The following AGBL4 variants were observed in gnomAD, a reference collection of about 807,000 sequenced individuals.
AGBL4 encodes AGBL carboxypeptidase 4, also known as cytosolic carboxypeptidase 6.
In AGBL4, 58 loss-of-function variants were observed where a neutral mutation model predicts 66.4. That is an observed-to-expected ratio of 0.87 (90% CI 0.71 to 1.09). AGBL4 has a LOEUF of 1.09. Ranked by LOEUF, AGBL4 falls within the 50% of genes least tolerant of loss-of-function variation. The pLI, the probability that AGBL4 is intolerant of heterozygous loss-of-function variation, is 0.00. For synonymous variants in AGBL4, 234 were observed against 222.9 expected, an observed-to-expected ratio of 1.05 and a Z score of -0.44; for missense variants, 579 against 631.0, an observed-to-expected ratio of 0.92 and a Z score of 0.88.
chr1:49,101,577 C>T (rs1278854459), intron 4 of AGBL4, among the ~76,000 whole-genome samples: 1 of 152,158 alleles, frequency 6.6e-6, no homozygotes, highest in Non-Finnish European at 1.5e-5. Context: ...TGACTAACAG[C>T]ATGAATTCTG....
At chr1:48,776,398 G>C (rs1023941249) in intron 6 of AGBL4, among the ~76,000 whole-genome samples, 81 of 152,344 alleles carry the variant, frequency 5.3e-4, no homozygotes, top group African/African-American at 1.9e-3. Flanking sequence ...GGGAAGCGGG[G>C]AAGACAAAGG....
chr1:49,867,903 C>T (rs1233975875), intron 1 of AGBL4, among the ~76,000 whole-genome samples: 1 of 152,048 alleles, frequency 6.6e-6, no homozygotes, highest in African/African-American at 2.4e-5. Context: ...GGGCTAAATG[C>T]CCCAATTAAA....
chr1:49,568,179 T>C (rs893008483), intron 3 of AGBL4, among the ~76,000 whole-genome samples: 26 of 151,980 alleles, frequency 1.7e-4, no homozygotes, highest in African/African-American at 6.0e-4. Context: ...GGCATCCAAA[T>C]AGAAAGAGAG....
intron 11 of AGBL4, among the ~76,000 whole-genome samples, chr1:48,552,830 T>A (rs551246896): frequency 7.9e-4 from 120 of 151,416 alleles, no homozygotes; most frequent in African/African-American, 2.7e-3. Flanking sequence ...CCTGAATGGA[T>A]CCTTGGAGAC....
At chr1:49,722,477 A>G (rs1218680306) in intron 2 of AGBL4, among the ~76,000 whole-genome samples, 1 of 152,198 alleles carries the variant, frequency 6.6e-6, no homozygotes, top group East Asian at 1.9e-4. Flanking sequence ...ATTTCTTTAA[A>G]ACATATTAAG....
chr1:49,129,920 C>T (rs916545798), intron 4 of AGBL4, among the ~76,000 whole-genome samples: 8 of 152,088 alleles, frequency 5.3e-5, no homozygotes, highest in African/African-American at 1.2e-4. Flanking sequence ...ACTAGTTTAC[C>T]GTGCCACCAA....
chr1:49,723,898 A>T (rs1429383172), intron 2 of AGBL4, among the ~76,000 whole-genome samples: 2 of 152,154 alleles, frequency 1.3e-5, no homozygotes, highest in Non-Finnish European at 2.9e-5. Context: ...ATATGCATGG[A>T]AACCAGAAGA....
At chr1:49,753,368 C>A (rs1045403748) in intron 2 of AGBL4, among the ~76,000 whole-genome samples, 2 of 152,168 alleles carry the variant, frequency 1.3e-5, no homozygotes, top group African/African-American at 4.8e-5. Flanking sequence ...GTTGAAAATT[C>A]TTTTCTTTGA....
intron 3 of AGBL4, among the ~76,000 whole-genome samples, chr1:49,683,721 T>C (rs1280734317): frequency 6.6e-6 from 1 of 152,156 alleles, no homozygotes; most frequent in African/African-American, 2.4e-5. Context: ...AGAAAGGCTT[T>C]CCAAATGAGG....
At chr1:49,381,874 T>A (rs1205729993) in intron 3 of AGBL4, among the ~76,000 whole-genome samples, 3 of 151,082 alleles carry the variant, frequency 2.0e-5, no homozygotes, top group Admixed American at 6.6e-5. Context: ...GAGGGATAGC[T>A]TTAGGATATA....
At chr1:49,561,697 C>T (rs1478130673) in intron 3 of AGBL4, among the ~76,000 whole-genome samples, 2 of 152,082 alleles carry the variant, frequency 1.3e-5, no homozygotes, top group East Asian at 3.9e-4. Flanking sequence ...TTTCTTAATC[C>T]AGTCTATCAT....
intron 4 of AGBL4, among the ~76,000 whole-genome samples, chr1:49,211,152 T>A (rs1337744717): frequency 2.0e-5 from 3 of 152,144 alleles, no homozygotes; most frequent in Non-Finnish European, 4.4e-5. Flanking sequence ...AAATGCCCAT[T>A]GCTTTTATTA....
intron 5 of AGBL4, among the ~76,000 whole-genome samples, chr1:48,885,451 C>T (rs1464585785): frequency 6.6e-6 from 1 of 152,210 alleles, no homozygotes; most frequent in Non-Finnish European, 1.5e-5. Context: ...CAACAGCCAA[C>T]TTGAAGGCAG....
intron 6 of AGBL4, among the ~76,000 whole-genome samples, chr1:48,753,845 C>T (rs1370312980): frequency 6.6e-6 from 1 of 152,174 alleles, no homozygotes; most frequent in Non-Finnish European, 1.5e-5. Flanking sequence ...GTTATCTATG[C>T]CTCTTCTGGT....
At chr1:49,840,474 AT>A (rs1194468210) in intron 2 of AGBL4, among the ~76,000 whole-genome samples, 3 of 152,160 alleles carry the variant, frequency 2.0e-5, no homozygotes, top group Non-Finnish European at 2.9e-5. Context: ...TAGTGAAACT[AT>A]TCCAAAAAAC....
chr1:48,964,349 G>A (rs561956672), intron 5 of AGBL4, among the ~76,000 whole-genome samples: 1 of 147,170 alleles, frequency 6.8e-6, no homozygotes, highest in South Asian at 2.1e-4. Flanking sequence ...GCTCCTGTAA[G>A]GTTTAGAATT....
chr1:48,928,292 G>A (rs1009839686), intron 5 of AGBL4, among the ~76,000 whole-genome samples: 2 of 152,144 alleles, frequency 1.3e-5, no homozygotes, highest in Non-Finnish European at 2.9e-5. Context: ...ACTTACAGGG[G>A]TTTGAACTCA....
intron 6 of AGBL4, among the ~76,000 whole-genome samples, chr1:48,681,013 A>G (rs1646446791): frequency 6.6e-6 from 1 of 152,156 alleles, no homozygotes; most frequent in South Asian, 2.1e-4. Context: ...CTCCAGACCC[A>G]CTGAATTAGA....
At chr1:48,735,331 C>A (rs1250178012) in intron 6 of AGBL4, among the ~76,000 whole-genome samples, 2 of 152,070 alleles carry the variant, frequency 1.3e-5, no homozygotes, top group Admixed American at 6.6e-5. Flanking sequence ...CTGTGTCTTA[C>A]CCCTCTTTGT....
Sources: allele counts gnomAD v4.1 joint callset (sites outside exome capture counted in the v4.1 genomes callset), GRCh38; gene constraint gnomAD v4.1.1; transcripts MANE v1.5; gene names NCBI Gene and HGNC (gene_info 2026-07-23, HGNC 2026-07-21).